The following NXPH1 variants were observed in gnomAD, a reference collection of about 807,000 sequenced individuals.
NXPH1 encodes the protein neurexophilin-1.
NXPH1 carries 5 observed loss-of-function variants against 23.7 expected under a neutral mutation model. The observed-to-expected ratio is 0.21, with a 90% CI of 0.11 to 0.44. The LOEUF (loss-of-function observed/expected upper bound fraction) is 0.44, where lower values mean the gene tolerates loss of function less well. NXPH1 is among the 20% of genes least tolerant of loss of function. The pLI, the probability that NXPH1 is intolerant of heterozygous loss-of-function variation, is 0.99. For synonymous variants in NXPH1, 144 were observed against 122.2 expected, an observed-to-expected ratio of 1.18 and a Z score of -1.18; for missense variants, 324 against 321.6, an observed-to-expected ratio of 1.01 and a Z score of -0.06.
intron 2 of NXPH1, among the ~76,000 whole-genome samples, chr7:8,595,645 A>C (rs1469143470): frequency 6.6e-6 from 1 of 152,036 alleles, no homozygotes; most frequent in East Asian, 1.9e-4. Flanking sequence ...CAATTTGTGA[A>C]AGTGTATCTG....
At chr7:8,738,043 T>C (rs554464123) in intron 2 of NXPH1, among the ~76,000 whole-genome samples, 2 of 152,114 alleles carry the variant, frequency 1.3e-5, no homozygotes, top group African/African-American at 4.8e-5. Flanking sequence ...CCAACCTTTT[T>C]TCAAGGTTCT....
intron 2 of NXPH1, among the ~76,000 whole-genome samples, chr7:8,739,192 A>C (rs940275296): frequency 4.0e-5 from 6 of 149,206 alleles, no homozygotes; most frequent in African/African-American, 7.5e-5. Context: ...AAAAAAAAAA[A>C]AAAAAAAAAA....
At chr7:8,640,212 A>G (rs980365143) in intron 2 of NXPH1, among the ~76,000 whole-genome samples, 21 of 152,252 alleles carry the variant, frequency 1.4e-4, no homozygotes, top group Non-Finnish European at 2.6e-4. Flanking sequence ...ACTTACGAAG[A>G]TTTCAAATTC....
intron 2 of NXPH1, among the ~76,000 whole-genome samples, chr7:8,677,800 C>G (rs1820975476): frequency 6.8e-6 from 1 of 147,122 alleles, no homozygotes; most frequent in Non-Finnish European, 1.5e-5. Context: ...ATGCATTTTA[C>G]AGGTTATAAA....
chr7:8,441,384 G>C (rs1423408290), intron 2 of NXPH1, among the ~76,000 whole-genome samples: 2 of 152,052 alleles, frequency 1.3e-5, no homozygotes, highest in South Asian at 2.1e-4. Context: ...ACCCCCTCCC[G>C]GAGCTTGGTA....
intron 2 of NXPH1, among the ~76,000 whole-genome samples, chr7:8,535,869 A>G (rs954746005): frequency 2.6e-5 from 4 of 151,990 alleles, no homozygotes; most frequent in Non-Finnish European, 5.9e-5. Flanking sequence ...GAACCATGCC[A>G]TGTTTACCTT....
At chr7:8,656,854 C>T (rs143589884) in intron 2 of NXPH1, among the ~76,000 whole-genome samples, 2,040 of 152,240 alleles carry the variant, frequency 0.013, 16 homozygotes, top group Middle Eastern at 0.037. Context: ...TCATCCATGT[C>T]CCTAGAGTTA....
At chr7:8,504,521 C>T (rs1280870537) in intron 2 of NXPH1, among the ~76,000 whole-genome samples, 2 of 152,062 alleles carry the variant, frequency 1.3e-5, no homozygotes, top group South Asian at 4.1e-4. Flanking sequence ...GAAACTGCAG[C>T]CACTCAGGAG....
rs1021703317 is a variant in NXPH1, at chr7:8,716,347, G to A, written c.55-34661G>A. Among the ~76,000 whole-genome samples the A allele has an allele frequency of 5.3e-5, 8 of 152,248 alleles. No individual in the cohort carries two copies. In the South Asian group the frequency reaches 1.4e-3, roughly 28 times the overall value. ...AAAAAGTTCTAGGAAATGGAGTTTA[G>A]CCAATATAATTTTCCCAAACCTTGG... is the stretch of plus-strand genomic sequence containing the variant. On this transcript the variant is annotated intron_variant, in intron 2 of 2. Coordinates refer to ENST00000405863, the MANE Select transcript of NXPH1 (RefSeq NM_152745.3).
intron 2 of NXPH1, among the ~76,000 whole-genome samples, chr7:8,562,913 A>G (rs889305093): frequency 1.5e-5 from 2 of 131,626 alleles, no homozygotes; most frequent in African/African-American, 2.8e-5. Context: ...AATGACATGT[A>G]TTATCTCTAT....
chr7:8,532,472 G>A (rs1042604071), intron 2 of NXPH1, among the ~76,000 whole-genome samples: 1 of 146,834 alleles, frequency 6.8e-6, no homozygotes, highest in Admixed American at 6.7e-5. Flanking sequence ...TTTTTTTGGG[G>A]GGGGGGGAGG....
chr7:8,655,743 C>A (rs1820571624), intron 2 of NXPH1, among the ~76,000 whole-genome samples: 1 of 152,124 alleles, frequency 6.6e-6, no homozygotes, highest in African/African-American at 2.4e-5. Flanking sequence ...GGCAGCCAGG[C>A]AAAATAAGGA....
chr7:8,536,837 G>A (rs1818035190), intron 2 of NXPH1, among the ~76,000 whole-genome samples: 1 of 151,930 alleles, frequency 6.6e-6, no homozygotes, highest in Admixed American at 6.6e-5. Context: ...TTTGTTTTAT[G>A]GATACAGGGT....
chr7:8,574,097 C>A (rs1275208703), intron 2 of NXPH1, among the ~76,000 whole-genome samples: 1 of 151,900 alleles, frequency 6.6e-6, no homozygotes, highest in East Asian at 1.9e-4. Flanking sequence ...ACCAGAAGAG[C>A]AAAAATGGTA....
At chr7:8,620,539 C>G (rs1195811570) in intron 2 of NXPH1, among the ~76,000 whole-genome samples, 1 of 152,148 alleles carries the variant, frequency 6.6e-6, no homozygotes, top group Non-Finnish European at 1.5e-5. Flanking sequence ...GTAACAGACT[C>G]TGGAAGCATG....
In NXPH1 at chr7:8,752,377, A is replaced by G. The variant is rs1780580664; in HGVS notation, c.*608A>G. 1 of 152,806 alleles carries G rather than the reference A, an allele frequency of 6.5e-6. No individual in the cohort carries two copies. The highest frequency in any genetic ancestry group is 1.5e-5 in the Non-Finnish European group (1 of 68,222). 9.5% of individuals were successfully genotyped at this position (152,806 alleles called of 1,614,324 possible). A position where few individuals can be genotyped will look rare whatever the true frequency, so the allele number is the denominator to read the frequency against. On this transcript the variant is annotated 3_prime_UTR_variant, in exon 3 of 3. Coordinates refer to ENST00000405863, the MANE Select transcript of NXPH1 (RefSeq NM_152745.3). ...AACTTTTTTCCAGCATACAGTAGGC[A>G]CATTCAAAGTGGTCCAAGATGGCTC...
intron 2 of NXPH1, among the ~76,000 whole-genome samples, chr7:8,663,164 T>C (rs1208830901): frequency 1.3e-5 from 2 of 152,076 alleles, no homozygotes; most frequent in African/African-American, 4.8e-5. Flanking sequence ...TTAGTATACA[T>C]GGAGTCAATG....
In NXPH1 at chr7:8,589,640, A is replaced by C. The variant is rs143249724; in HGVS notation, c.54+153873A>C. Among the ~76,000 whole-genome samples, 1,446 of 152,206 alleles carry C rather than the reference A, an allele frequency of 9.5e-3. 19 individuals carry two copies. The highest frequency in any genetic ancestry group is 0.031 in the African/African-American group (1,301 of 41,542). On this transcript the variant is annotated intron_variant, in intron 2 of 2. Coordinates refer to ENST00000405863, the MANE Select transcript of NXPH1 (RefSeq NM_152745.3). ...ACAGAGCAGGTGAGTGAGTCAGAAA[A>C]AGAACGAAAAAGATAACCTGAAGAG...
At chr7:8,453,174 G>A (rs1197891650) in intron 2 of NXPH1, among the ~76,000 whole-genome samples, 1 of 152,058 alleles carries the variant, frequency 6.6e-6, no homozygotes, top group Non-Finnish European at 1.5e-5. Context: ...GAGAGAGGGA[G>A]AGGAAGAAAG....
Sources: gnomAD v4.1 joint callset for allele counts (sites outside exome capture counted in the v4.1 genomes callset) on GRCh38, gnomAD v4.1.1 for gene constraint, MANE v1.5 for transcripts, NCBI Gene and HGNC (gene_info 2026-07-23, HGNC 2026-07-21) for gene names.